STK38: variants seen among roughly 807,000 people sequenced by gnomAD.
The protein encoded by STK38 is serine/threonine kinase 38, also known as serine/threonine-protein kinase 38.
Under a neutral mutation model 59.0 loss-of-function variants are expected in STK38, and 26 were observed. The observed-to-expected ratio is 0.44, with a 90% CI of 0.32 to 0.61. The LOEUF (loss-of-function observed/expected upper bound fraction) is 0.61, where lower values mean the gene tolerates loss of function less well. Ranked by LOEUF, STK38 falls within the 20% of genes least tolerant of loss-of-function variation. The probability of loss-of-function intolerance (pLI) is 0.04; values close to 1 mark genes in which losing one functional copy is unlikely to be tolerated. For synonymous variants in STK38, 175 were observed against 176.6 expected (o/e 0.99, Z 0.07); for missense variants, 433 against 566.0 (o/e 0.76, Z 2.38).
intron 2 of STK38, among the ~76,000 whole-genome samples, chr6:36,537,949 ATAC>A (rs377752485): frequency 1.2e-4 from 18 of 152,128 alleles, no homozygotes; most frequent in African/African-American, 4.1e-4. Context: ...AAATGAGTAC[ATAC>A]TACATGTTTC....
chr6:36,515,216 G>T, intron 7 of STK38, 122 bp downstream of exon 7: 1 of 1,171,386 alleles, frequency 8.5e-7, no homozygotes. Context: ...AAAAAAAAAG[G>T]AAAATCATGA....
chr6:36,509,732 T>G (rs1470830057), intron 7 of STK38, among the ~76,000 whole-genome samples: 3 of 152,070 alleles, frequency 2.0e-5, no homozygotes, highest in Non-Finnish European at 2.9e-5. Context: ...CTGCTACAAC[T>G]CTTTCTGTAG....
At chr6:36,508,619 T>C (rs932681404) in intron 7 of STK38, among the ~76,000 whole-genome samples, 3 of 152,258 alleles carry the variant, frequency 2.0e-5, no homozygotes, top group South Asian at 2.1e-4. Flanking sequence ...TCTGTGGTCA[T>C]TGATGCCTTT....
Position 36,494,593 on chromosome 6 carries a change from C to T in STK38, c.*1191G>A, listed in dbSNP as rs563450148. On this transcript the variant is annotated 3_prime_UTR_variant, in exon 14 of 14. Coordinates refer to ENST00000229812, the MANE Select transcript of STK38 (RefSeq NM_007271.4). ...AGAGAGACCCAATCCGCCTAAGTTGCAGGCGACCCTTTAGGGTGGGGAGGA... is the reference window on the plus strand; with the variant it reads ...AGAGAGACCCAATCCGCCTAAGTTGTAGGCGACCCTTTAGGGTGGGGAGGA... 2.6e-5 allele frequency: 4 copies of T among 152,806 alleles called. No homozygotes were observed. The highest frequency in any genetic ancestry group is 9.6e-5 in the African/African-American group (4 of 41,578). 9.5% of individuals were successfully genotyped at this position (152,806 alleles called of 1,614,324 possible). A position where few individuals can be genotyped will look rare whatever the true frequency, so the allele number is the denominator to read the frequency against.
intron 4 of STK38, among the ~76,000 whole-genome samples, chr6:36,523,476 G>T (rs1022094317): frequency 5.3e-5 from 8 of 150,776 alleles, no homozygotes; most frequent in African/African-American, 2.0e-4. Flanking sequence ...TTGTCAGGCT[G>T]GTCTCGAACT....
At chr6:36,533,987 A>AAG (rs1668458132) in intron 2 of STK38, among the ~76,000 whole-genome samples, 2 of 152,228 alleles carry the variant, frequency 1.3e-5, no homozygotes, top group Admixed American at 1.3e-4. Flanking sequence ...CTGCATATTT[A>AAG]AGGTCAAATT....
Position 36,495,362 on chromosome 6 carries a change from TA to T in STK38, c.*421del, listed in dbSNP as rs1348581994. On this transcript the variant is annotated 3_prime_UTR_variant, in exon 14 of 14. Transcript: ENST00000229812. Reference sequence around the variant, plus strand: ...CTTAGTACTATGGAACTTTTAGCTATAAAGGAAATACTTGGTGGGCTTGGCA... The same window carrying T: ...CTTAGTACTATGGAACTTTTAGCTATAAGGAAATACTTGGTGGGCTTGGCA... The T allele has an allele frequency of 5.9e-6, 1 of 168,124 alleles. No individual in the cohort carries two copies. Among genetic ancestry groups the T allele is most frequent in the Non-Finnish European group, 1.3e-5 (1 of 77,466 alleles). 10.4% of individuals were successfully genotyped at this position (168,124 alleles called of 1,614,324 possible).
At chr6:36,517,112 CTT>C (rs3836989) in intron 6 of STK38, among the ~76,000 whole-genome samples, 35,948 of 151,432 alleles carry the variant, frequency 0.24, 4,475 homozygotes, top group East Asian at 0.39. Context: ...AGTTCTCTCT[CTT>C]TTTTTTTCCC....
At chr6:36,526,967 G>A (rs536528496) in intron 2 of STK38, among the ~76,000 whole-genome samples, 1 of 151,630 alleles carries the variant, frequency 6.6e-6, no homozygotes, top group South Asian at 2.1e-4. Flanking sequence ...GCTGAGGAGG[G>A]TGGATCATAA....
intron 2 of STK38, among the ~76,000 whole-genome samples, chr6:36,527,962 A>C (rs1777572906): frequency 6.7e-6 from 1 of 149,992 alleles, no homozygotes; most frequent in African/African-American, 2.5e-5. Context: ...AAAAAAAATT[A>C]GCCAGGTGTA....
chr6:36,529,266 A>C (rs1335914844), intron 2 of STK38, among the ~76,000 whole-genome samples: 1 of 152,248 alleles, frequency 6.6e-6, no homozygotes, highest in Admixed American at 6.5e-5. Context: ...ATTTACCTTA[A>C]AACACAATAG....
At chr6:36,501,680 C>T (rs1266128550) in intron 9 of STK38, among the ~76,000 whole-genome samples, 1 of 152,034 alleles carries the variant, frequency 6.6e-6, no homozygotes, top group East Asian at 1.9e-4. Flanking sequence ...CCACCTCAGC[C>T]TCCCAAAGTA....
At chr6:36,516,776 G>A (rs1777265062) in intron 6 of STK38, among the ~76,000 whole-genome samples, 1 of 152,200 alleles carries the variant, frequency 6.6e-6, no homozygotes, top group Non-Finnish European at 1.5e-5. Flanking sequence ...GCTCAGGCCA[G>A]ATGCTCTATG....
chr6:36,517,850 T>C lies in STK38; in HGVS notation c.391-10A>G, dbSNP rs1295244281. 2.5e-6 allele frequency: 4 copies of C among 1,612,026 alleles called. No individual in the cohort carries two copies. The highest frequency in any genetic ancestry group is 2.7e-5 in the African/African-American group (2 of 74,842). On this transcript the variant is annotated splice_polypyrimidine_tract_variant and intron_variant, in intron 5 of 13. Transcript: ENST00000229812. ...CACGAATGTGGCCAACCTGGAGGTATATGCATTTGATTAATGACAAAGCTT... is the reference window on the plus strand; with the variant it reads ...CACGAATGTGGCCAACCTGGAGGTACATGCATTTGATTAATGACAAAGCTT...
At chr6:36,508,090 C>T (rs149291335) in intron 7 of STK38, among the ~76,000 whole-genome samples, 3 of 151,992 alleles carry the variant, frequency 2.0e-5, no homozygotes, top group East Asian at 1.9e-4. Flanking sequence ...TGTGCCACCA[C>T]GTCCGACTAA....
chr6:36,507,763 A>G (rs1777002136), intron 7 of STK38, among the ~76,000 whole-genome samples, 161 bp from the exon 8 acceptor site: 1 of 152,178 alleles, frequency 6.6e-6, no homozygotes, highest in Admixed American at 6.5e-5. Flanking sequence ...TAAATTTTTT[A>G]ATCCCAAATC....
rs764668826 is a variant in STK38 at position 36,507,544 on chromosome 6, G to A, written c.728C>T (p.Thr243Ile). ...LCTGLKKAHR[T>I]EFYRNLNHSL... ...GTGGTTCAGATTCCTATAAAATTCT[G>A]TCCTATGTGCTTTTTTCAGTCCTGT... Residue 243 changes from threonine (T) to isoleucine (I), a missense_variant, in exon 8 of 14, where the codon ACA becomes ATA. Transcript: ENST00000229812. The A allele has an allele frequency of 1.9e-6, 3 of 1,613,948 alleles. No individual in the cohort carries two copies. The highest frequency in any genetic ancestry group is 2.5e-6 in the Non-Finnish European group (3 of 1,179,988).
intron 11 of STK38, 34 bp from the exon 12 acceptor site, chr6:36,497,909 A>G: frequency 7.1e-7 from 1 of 1,418,108 alleles, no homozygotes; most frequent in South Asian, 1.2e-5. Context: ...GCACATCTCA[A>G]GCAGTCTCCT....
Position 36,496,805 on chromosome 6 carries a change from T to C in STK38, c.1173A>G (p.Arg391=), listed in dbSNP as rs766986673. The C allele has an allele frequency of 6.2e-7, 1 of 1,609,782 alleles. No individual in the cohort carries two copies. The highest frequency in any genetic ancestry group is 8.5e-7 in the Non-Finnish European group (1 of 1,176,970). ...FFEGVDWEHI[R]ERPAAISIEI... ...CAATAGATATTGCAGCAGGTCTCTC[T>C]CTGCCAAGAATACACATGCCAAAAA... is the stretch of plus-strand genomic sequence containing the variant. Residue 391 remains arginine, a splice_region_variant and synonymous_variant, in exon 13 of 14, where the codon AGA becomes AGG. Transcript: ENST00000229812.
Sources: allele counts gnomAD v4.1 joint callset (sites outside exome capture counted in the v4.1 genomes callset), GRCh38; gene constraint gnomAD v4.1.1; transcripts MANE v1.5; gene names NCBI Gene and HGNC (gene_info 2026-07-23, HGNC 2026-07-21).